The following PCDHGA8 variants were observed in gnomAD, a reference collection of about 807,000 sequenced individuals.
PCDHGA8 encodes the protein protocadherin gamma subfamily A, 8, also known as protocadherin gamma-A8.
A neutral mutation model predicts 59.2 loss-of-function variants in PCDHGA8; 45 were observed. The observed-to-expected ratio is 0.76, with a 90% CI of 0.60 to 0.98. The LOEUF (loss-of-function observed/expected upper bound fraction) is 0.98, where lower values mean the gene tolerates loss of function less well. PCDHGA8 is among the 50% of genes least tolerant of loss of function. The probability of loss-of-function intolerance (pLI) is 0.00; values close to 1 mark genes in which losing one functional copy is unlikely to be tolerated. For synonymous variants in PCDHGA8, 531 were observed against 519.0 expected (o/e 1.02, Z -0.32); for missense variants, 1,257 against 1,196.2 (o/e 1.05, Z -0.75).
At chr5:141,403,838 GA>G (rs751575888) in intron 1 of PCDHGA8, 1 of 1,613,592 alleles carries the variant, frequency 6.2e-7, no homozygotes, top group African/African-American at 1.3e-5. Context: ...CCAGCTTAAT[GA>G]AAATACTGGG....
chr5:141,474,371 G>A (rs909237592), intron 1 of PCDHGA8, among the ~76,000 whole-genome samples: 1 of 152,180 alleles, frequency 6.6e-6, no homozygotes, highest in African/African-American at 2.4e-5. Flanking sequence ...TAGGTCTAGA[G>A]GAGGGCATTT....
At chr5:141,462,627 A>T (rs1200455153) in intron 1 of PCDHGA8, among the ~76,000 whole-genome samples, 1 of 150,276 alleles carries the variant, frequency 6.7e-6, no homozygotes, top group East Asian at 1.9e-4. Flanking sequence ...TAGAAGTTCC[A>T]TTTGACTCTT....
At chr5:141,501,402 G>T (rs527659990) in intron 2 of PCDHGA8, among the ~76,000 whole-genome samples, 1 of 151,622 alleles carries the variant, frequency 6.6e-6, no homozygotes, top group African/African-American at 2.4e-5. Context: ...ACAGGCCACT[G>T]CTTGGAAAAT....
rs765047622 is a variant in PCDHGA8 at position 141,486,776 on chromosome 5, G to A, written c.2425-8031G>A. On this transcript the variant is annotated intron_variant, in intron 1 of 3. Coordinates refer to ENST00000398604, the MANE Select transcript of PCDHGA8 (RefSeq NM_032088.2). This position sits in a 1 kb window ranked among gnomAD's most constrained non-coding sequence, Gnocchi z 5.0. ...GCAAACCCAGACACTGCAGTTTGAGGTGCAGGCCCGGGATCGGGGCAACCC... is the reference window on the plus strand; with the variant it reads ...GCAAACCCAGACACTGCAGTTTGAGATGCAGGCCCGGGATCGGGGCAACCC... 1.2e-6 allele frequency: 2 copies of A among 1,614,254 alleles called. No individual in the cohort carries two copies. Among genetic ancestry groups the A allele is most frequent in the Non-Finnish European group, 1.7e-6 (2 of 1,180,050 alleles).
At chr5:141,414,639 T>A in intron 1 of PCDHGA8, 1 of 1,613,966 alleles carries the variant, frequency 6.2e-7, no homozygotes, top group South Asian at 1.1e-5. Context: ...GCAAAGAGAA[T>A]GCCCAGATTA....
chr5:141,489,364 G>A lies in PCDHGA8; in HGVS notation c.2425-5443G>A, dbSNP rs2099686163. On this transcript the variant is annotated intron_variant, in intron 1 of 3. Coordinates refer to ENST00000398604, the MANE Select transcript of PCDHGA8 (RefSeq NM_032088.2). The surrounding 1 kb of genome is among the most constrained non-coding windows in gnomAD (Gnocchi z 4.5). The stretch of plus-strand genomic sequence containing the variant: ...CTCAGTGGTGGAGGAGTCTGAGCCG[G>A]GGACGCTGGTGGGGAATGTTGCTCA... 1 of 1,613,450 alleles carries A rather than the reference G, an allele frequency of 6.2e-7. No homozygotes were observed. The highest frequency in any genetic ancestry group is 1.1e-5 in the South Asian group (1 of 91,042).
chr5:141,393,244 A>C lies in PCDHGA8; in HGVS notation c.431A>C (p.Glu144Ala). The change falls in exon 1 of 4, where the codon GAA becomes GCA. Residue 144 changes from glutamate to alanine, a missense_variant. Physicochemically the swap from Glu to Ala is moderately radical, Grantham distance 107 (BLOSUM62 -1). Coordinates refer to ENST00000398604, the MANE Select transcript of PCDHGA8 (RefSeq NM_032088.2). ...GAAGATCTAGAAGTAAAAATTAACG[A>C]AATCGCGGTTCCTGGAGCACGTTAT... ...QVEDLEVKIN[E>A]IAVPGARYPL... is the part of the protein sequence containing the mutation. The C allele has an allele frequency of 6.2e-7, 1 of 1,613,840 alleles. No homozygotes were observed. Among genetic ancestry groups the C allele is most frequent in the Non-Finnish European group, 8.5e-7 (1 of 1,179,894 alleles).
rs1195194477 is a variant in PCDHGA8, at chr5:141,432,620, C to G, written c.2424+37383C>G. On this transcript the variant is annotated intron_variant, in intron 1 of 3. Transcript: ENST00000398604. The surrounding 1 kb of genome is among the most constrained non-coding windows in gnomAD (Gnocchi z 6.0). ...CGAGCCGGGACTCTTCTCGGTGGGTCTGCACACGGGCGAGGTGCGCACGGC... is the reference window on the plus strand; with the variant it reads ...CGAGCCGGGACTCTTCTCGGTGGGTGTGCACACGGGCGAGGTGCGCACGGC... 6 of 1,613,190 alleles carry G rather than the reference C, an allele frequency of 3.7e-6. No individual in the cohort carries two copies. Among genetic ancestry groups the G allele is most frequent in the Admixed American group, 1.7e-5 (1 of 59,978 alleles).
intron 1 of PCDHGA8, among the ~76,000 whole-genome samples, chr5:141,442,921 CATTTTCTA>C (rs1366534082): frequency 6.6e-6 from 1 of 152,196 alleles, no homozygotes. Context: ...ACAACTGTTT[CATTTTCTA>C]TTTAAGAAAC....
intron 1 of PCDHGA8, among the ~76,000 whole-genome samples, chr5:141,492,474 G>T (rs2099741007): frequency 6.6e-6 from 1 of 152,218 alleles, no homozygotes; most frequent in African/African-American, 2.4e-5. Context: ...CCCAGATCGC[G>T]GCCGCCCAGG....
rs1487270083 is a variant in PCDHGA8, at chr5:141,402,944, G to T, written c.2424+7707G>T. ...GATCCTTTTGAGAAAATTCCAAAGC[G>T]AGGCAGCAATGGCAGCTCCAACCAA... is the stretch of plus-strand genomic sequence containing the variant. On this transcript the variant is annotated intron_variant, in intron 1 of 3. Transcript: ENST00000398604. The T allele has an allele frequency of 3.8e-6, 6 of 1,592,018 alleles. No individual in the cohort carries two copies. The African/African-American group carries it at 8.1e-5, about 22-fold the overall frequency.
chr5:141,394,654 C>T lies in PCDHGA8; in HGVS notation c.1841C>T (p.Pro614Leu). ...LSYRLLKASEPGLFSVGLHTG... is the reference protein window; with the variant it reads ...LSYRLLKASELGLFSVGLHTG... ...TACCGCCTGCTCAAGGCCAGCGAGCCGGGACTCTTCTCGGTGGGTCTGCAC... is the reference window on the plus strand; with the variant it reads ...TACCGCCTGCTCAAGGCCAGCGAGCTGGGACTCTTCTCGGTGGGTCTGCAC... Residue 614 changes from proline (P) to leucine (L), a missense_variant, in exon 1 of 4, where the codon CCG (proline) becomes CTG (leucine). Coordinates refer to ENST00000398604, the MANE Select transcript of PCDHGA8 (RefSeq NM_032088.2). 1.9e-6 allele frequency: 3 copies of T among 1,613,236 alleles called. No homozygotes were observed. Among genetic ancestry groups the T allele is most frequent in the Non-Finnish European group, 2.5e-6 (3 of 1,179,928 alleles).
intron 1 of PCDHGA8, chr5:141,419,647 G>A (rs370948584): frequency 1.0e-4 from 165 of 1,612,474 alleles, no homozygotes; most frequent in Non-Finnish European, 1.4e-4. Context: ...CCGTGGACGC[G>A]GACTCGGGGC....
intron 1 of PCDHGA8, chr5:141,415,740 GTTTTTT>G (rs57426385): frequency 0.053 from 32,266 of 613,620 alleles, 66 homozygotes; most frequent in South Asian, 0.061. Flanking sequence ...GTTTATTAAG[GTTTTTT>G]TTTTTTTTTT....
At chr5:141,415,863 GTGT>G in intron 1 of PCDHGA8, 1 of 1,107,154 alleles carries the variant, frequency 9.0e-7, no homozygotes, top group Non-Finnish European at 1.2e-6. Flanking sequence ...GTAGTTTATA[GTGT>G]TGTTGAGTAC....
chr5:141,501,125 C>A (rs2099805699), intron 2 of PCDHGA8, among the ~76,000 whole-genome samples: 1 of 152,140 alleles, frequency 6.6e-6, no homozygotes, highest in South Asian at 2.1e-4. Context: ...CCTCAGCCTC[C>A]CTAAGTGCTG....
chr5:141,436,735 T>G (rs2097843412), intron 1 of PCDHGA8, among the ~76,000 whole-genome samples: 1 of 152,220 alleles, frequency 6.6e-6, no homozygotes, highest in Non-Finnish European at 1.5e-5. Context: ...AATAATGATT[T>G]TTGTGTGCTT....
chr5:141,393,367 G>C lies in PCDHGA8; in HGVS notation c.554G>C (p.Gly185Ala). 1.2e-6 allele frequency: 2 copies of C among 1,613,962 alleles called. No individual in the cohort carries two copies. The highest frequency in any genetic ancestry group is 1.6e-4 in the Middle Eastern group (1 of 6,062). The change falls in exon 1 of 4, where the codon GGA becomes GCA. Residue 185 changes from glycine (G) to alanine (A), a missense_variant. Physicochemically the swap from Gly to Ala is moderately conservative, Grantham distance 60. Transcript: ENST00000398604. ...CACTTCTCCCTGGACGTGCAGACTG[G>C]AGACAATGGAGCCATAAACCCAGAG... ...NHHFSLDVQT[G>A]DNGAINPELV... is the part of the protein sequence containing the mutation.
rs765263883 is a variant in PCDHGA8 at position 141,491,018 on chromosome 5, C to T, written c.2425-3789C>T. On this transcript the variant is annotated intron_variant, in intron 1 of 3. Coordinates refer to ENST00000398604, the MANE Select transcript of PCDHGA8 (RefSeq NM_032088.2). This position sits in a 1 kb window ranked among gnomAD's most constrained non-coding sequence, Gnocchi z 6.9. The stretch of plus-strand genomic sequence containing the variant: ...CCTGGCTCCTTGGTCACCAAGGTGA[C>T]AGCCGTGGATGCTGATGCAGGCCAC... 1.2e-6 allele frequency: 2 copies of T among 1,614,146 alleles called. No individual in the cohort carries two copies. The highest frequency in any genetic ancestry group is 1.7e-6 in the Non-Finnish European group (2 of 1,180,042).
Sources: allele counts gnomAD v4.1 joint callset (sites outside exome capture counted in the v4.1 genomes callset), GRCh38; gene constraint gnomAD v4.1.1; non-coding constraint Gnocchi (gnomAD v3.1); transcripts MANE v1.5; gene names NCBI Gene and HGNC (gene_info 2026-07-23, HGNC 2026-07-21).